NALCN: variants seen among roughly 807,000 people sequenced by gnomAD.
NALCN encodes the protein sodium leak channel, non-selective, also known as sodium leak channel NALCN.
Under a neutral mutation model 225.3 loss-of-function variants are expected in NALCN, and 111 were observed. The observed-to-expected ratio is 0.49, with a 90% CI of 0.42 to 0.58. NALCN has a LOEUF of 0.58. Among genes scored for constraint, NALCN ranks in the 20% least tolerant of loss-of-function variants. NALCN has a pLI of 0.00. For synonymous variants in NALCN, 764 were observed against 769.0 expected, an observed-to-expected ratio of 0.99 and a Z score of 0.11; for missense variants, 1,378 against 2,202.4, an observed-to-expected ratio of 0.63 and a Z score of 7.49.
At chr13:101,086,842 T>C (rs755885210) in intron 30 of NALCN, among the ~76,000 whole-genome samples, 58 of 152,294 alleles carry the variant, frequency 3.8e-4, no homozygotes, top group Admixed American at 9.2e-4. Context: ...ACATCATTTA[T>C]TCCCAATAAT....
At chr13:101,139,740 T>C (rs944678448) in intron 17 of NALCN, among the ~76,000 whole-genome samples, 1 of 152,152 alleles carries the variant, frequency 6.6e-6, no homozygotes, top group African/African-American at 2.4e-5. Flanking sequence ...CTAATGGTGG[T>C]AGGGTCTGTG....
chr13:101,109,012 A>C (rs1192482337), intron 20 of NALCN, among the ~76,000 whole-genome samples: 1 of 152,200 alleles, frequency 6.6e-6, no homozygotes, highest in Non-Finnish European at 1.5e-5. Flanking sequence ...TGAAGAAGTA[A>C]GCTCCGGCAC....
intron 4 of NALCN, among the ~76,000 whole-genome samples, chr13:101,377,352 C>T (rs2046723205): frequency 6.6e-6 from 1 of 152,134 alleles, no homozygotes; most frequent in Non-Finnish European, 1.5e-5. Context: ...AGTAAGTATG[C>T]TGTCTTTCTT....
intron 3 of NALCN, among the ~76,000 whole-genome samples, chr13:101,379,105 A>C (rs2046775424): frequency 6.6e-6 from 1 of 152,130 alleles, no homozygotes; most frequent in South Asian, 2.1e-4. Flanking sequence ...TTAAAAAGTG[A>C]AGAAGAAAAA....
chr13:101,091,910 G>A (rs975001389), intron 28 of NALCN, among the ~76,000 whole-genome samples: 14 of 152,026 alleles, frequency 9.2e-5, no homozygotes, highest in African/African-American at 3.4e-4. Context: ...TAGCATCAAA[G>A]ACTTCAATAG....
chr13:101,293,684 G>A (rs1448295231), intron 7 of NALCN, among the ~76,000 whole-genome samples: 1 of 152,150 alleles, frequency 6.6e-6, no homozygotes, highest in Non-Finnish European at 1.5e-5. Context: ...CAGAATCAGA[G>A]CAACAGCAAA....
chr13:101,276,062 CAAAA>C (rs59471123), intron 10 of NALCN, among the ~76,000 whole-genome samples: 2 of 84,312 alleles, frequency 2.4e-5, no homozygotes, highest in African/African-American at 4.4e-5. Flanking sequence ...GACTCCTTCT[CAAAA>C]AAAAAAAAAA....
chr13:101,229,330 G>T, intron 13 of NALCN, 63 bp downstream of exon 13: 1 of 1,355,000 alleles, frequency 7.4e-7, no homozygotes, highest in Non-Finnish European at 9.9e-7. Context: ...TTACTTTGAT[G>T]TTAATCATTA....
At chr13:101,068,519 G>A (rs1282709555) in intron 38 of NALCN, among the ~76,000 whole-genome samples, 176 bp downstream of exon 38, 1 of 152,174 alleles carries the variant, frequency 6.6e-6, no homozygotes, top group Admixed American at 6.5e-5. Flanking sequence ...GCAGTCAACT[G>A]TCATTTACGT....
intron 17 of NALCN, among the ~76,000 whole-genome samples, chr13:101,141,629 G>A (rs984173294): frequency 1.3e-5 from 2 of 151,556 alleles, no homozygotes; most frequent in African/African-American, 4.9e-5. Flanking sequence ...GTGAGAAAGA[G>A]GAGGAGAAAA....
chr13:101,389,530 G>C (rs1036136257), intron 3 of NALCN, among the ~76,000 whole-genome samples: 8 of 152,124 alleles, frequency 5.3e-5, no homozygotes, highest in Non-Finnish European at 2.9e-5. Context: ...TGGGGCCAGT[G>C]GGTAAGAAAT....
chr13:101,059,890 C>T lies in NALCN; in HGVS notation c.4833G>A (p.Pro1611=), dbSNP rs748544348. ...QQQELSRFLN[P]PSIETTQPSE... Reference sequence around the variant, plus strand: ...TGGGCTGGGTGGTCTCGATGCTGGGCGGGTTCAGAAACCGGCTCAGCTCTT... The same window carrying T: ...TGGGCTGGGTGGTCTCGATGCTGGGTGGGTTCAGAAACCGGCTCAGCTCTT... Residue 1611 remains proline (P), a synonymous_variant, in exon 42 of 44, where the codon CCG becomes CCA. Transcript: ENST00000251127. 1.2e-5 allele frequency: 19 copies of T among 1,613,862 alleles called. No individual in the cohort carries two copies. The highest frequency in any genetic ancestry group is 5.5e-5 in the South Asian group (5 of 91,062).
intron 10 of NALCN, among the ~76,000 whole-genome samples, chr13:101,259,547 G>C (rs2042347299): frequency 6.6e-6 from 1 of 151,256 alleles, no homozygotes. Context: ...CGTTAGCCAG[G>C]ATGGTCTCGA....
intron 15 of NALCN, among the ~76,000 whole-genome samples, chr13:101,150,078 T>A (rs140043920): frequency 1.4e-3 from 102 of 74,316 alleles, no homozygotes; most frequent in Middle Eastern, 6.4e-3. Flanking sequence ...GTGAACTACA[T>A]CTCAGTGTAA....
chr13:101,089,804 G>C lies in NALCN; in HGVS notation c.3390+42C>G, dbSNP rs200933532. On this transcript the variant is annotated intron_variant, in intron 29 of 43. Coordinates refer to ENST00000251127, the MANE Select transcript of NALCN (RefSeq NM_052867.4). The surrounding 1 kb of genome is among the most constrained non-coding windows in gnomAD (Gnocchi z 4.7). Reference sequence around the variant, plus strand: ...TGGTTATTCATCAAAACAAATGAAAGCTGCTCTTGAAGTGTTCAAAGGATT... The same window carrying C: ...TGGTTATTCATCAAAACAAATGAAACCTGCTCTTGAAGTGTTCAAAGGATT... 3.1e-6 allele frequency: 5 copies of C among 1,613,910 alleles called. No individual in the cohort carries two copies. In the East Asian group the frequency reaches 1.1e-4, roughly 36 times the overall value.
At chr13:101,056,664 A>G (rs1364242191) in intron 43 of NALCN, among the ~76,000 whole-genome samples, 1 of 151,224 alleles carries the variant, frequency 6.6e-6, no homozygotes, top group African/African-American at 2.5e-5. Context: ...TCCCTGCAGT[A>G]TCTGGCCCCC....
chr13:101,391,700 A>G (rs1192608473), intron 3 of NALCN, among the ~76,000 whole-genome samples: 1 of 145,602 alleles, frequency 6.9e-6, no homozygotes, highest in Non-Finnish European at 1.5e-5. Context: ...AAATGAAGAC[A>G]TAGGTCTGCC....
intron 10 of NALCN, among the ~76,000 whole-genome samples, chr13:101,274,570 TGACA>T (rs1410090629): frequency 3.9e-5 from 6 of 152,368 alleles, no homozygotes; most frequent in Non-Finnish European, 8.8e-5. Flanking sequence ...TTATTATTTC[TGACA>T]GACACATAGG....
intron 9 of NALCN, among the ~76,000 whole-genome samples, chr13:101,286,754 T>C (rs2043352219): frequency 1.3e-5 from 2 of 152,008 alleles, no homozygotes; most frequent in African/African-American, 4.8e-5. Context: ...TAATTAAATA[T>C]TTTACTATTA....
Sources: gnomAD v4.1 joint callset for allele counts (sites outside exome capture counted in the v4.1 genomes callset) on GRCh38, gnomAD v4.1.1 for gene constraint, Gnocchi (gnomAD v3.1) non-coding constraint, MANE v1.5 for transcripts, NCBI Gene and HGNC (gene_info 2026-07-23, HGNC 2026-07-21) for gene names.